The following SLC39A12 variants were observed in gnomAD, a reference collection of about 807,000 sequenced individuals.
The protein encoded by SLC39A12 is solute carrier family 39 member 12, also known as zinc transporter ZIP12.
In SLC39A12, 63 loss-of-function variants were observed where a neutral mutation model predicts 71.1. The ratio of observed to expected loss-of-function variants is 0.89; its 90% CI spans 0.72 to 1.09. The LOEUF is 1.09. Ranked by LOEUF, SLC39A12 falls within the 50% of genes least tolerant of loss-of-function variation. The pLI is 0.00. For synonymous variants in SLC39A12, 351 were observed against 301.3 expected, an observed-to-expected ratio of 1.16 and a Z score of -1.71; for missense variants, 892 against 812.6, an observed-to-expected ratio of 1.10 and a Z score of -1.19.
chr10:18,002,414 A>G (rs757090596), intron 11 of SLC39A12: 2 of 152,202 alleles, frequency 1.3e-5, no homozygotes, highest in Non-Finnish European at 2.9e-5. Context: ...TGCTACTGTA[A>G]CAGGGATGTA....
intron 4 of SLC39A12, among the ~76,000 whole-genome samples, chr10:17,974,622 G>A (rs1469730821): frequency 6.6e-6 from 1 of 152,166 alleles, no homozygotes; most frequent in Non-Finnish European, 1.5e-5. Context: ...AACAAATGGA[G>A]TCTCTCACTC....
rs573069374 is a variant in SLC39A12 at position 18,035,649 on chromosome 10, G to C, written c.1948-7056G>C. ...ATCTGAAGCCTTCTTCTCTCAGCTCGTCAAAGTCATTCTCCATCCAGCTTT... is the reference window on the plus strand; with the variant it reads ...ATCTGAAGCCTTCTTCTCTCAGCTCCTCAAAGTCATTCTCCATCCAGCTTT... On this transcript the variant is annotated intron_variant, in intron 12 of 12. Transcript: ENST00000377369. Among the ~76,000 whole-genome samples, 16 of 152,252 alleles carry C rather than the reference G, an allele frequency of 1.1e-4. No individual in the cohort carries two copies. The South Asian group carries it at 1.7e-3, about 16-fold the overall frequency.
chr10:18,023,908 CT>C (rs1589253506), intron 12 of SLC39A12, among the ~76,000 whole-genome samples: 1 of 152,100 alleles, frequency 6.6e-6, no homozygotes, highest in Non-Finnish European at 1.5e-5. Flanking sequence ...ACAGGGACCC[CT>C]GTGGAAGTCT....
chr10:17,957,543 TCA>T (rs1220412030), intron 2 of SLC39A12, among the ~76,000 whole-genome samples: 1 of 152,142 alleles, frequency 6.6e-6, no homozygotes, highest in Non-Finnish European at 1.5e-5. Context: ...AAGAATTGCT[TCA>T]CCAGAGGCAG....
At chr10:18,033,555 G>T (rs1589258845) in intron 12 of SLC39A12, among the ~76,000 whole-genome samples, 2 of 140,440 alleles carry the variant, frequency 1.4e-5, no homozygotes, top group African/African-American at 5.3e-5. Context: ...TTCTTTATTA[G>T]TCTTGCTAGC....
chr10:17,967,291 T>C (rs1834850612), intron 4 of SLC39A12, among the ~76,000 whole-genome samples: 1 of 152,224 alleles, frequency 6.6e-6, no homozygotes, highest in Non-Finnish European at 1.5e-5. Flanking sequence ...TTTATGTTAG[T>C]ACCTTCCATT....
intron 11 of SLC39A12, chr10:18,002,250 G>A (rs7893974): frequency 0.037 from 5,549 of 152,020 alleles, 331 homozygotes; most frequent in African/African-American, 0.13. Context: ...CCTAGGAAAC[G>A]CTTGCCCTCT....
At chr10:17,984,097 C>G (rs1380091264) in intron 6 of SLC39A12, among the ~76,000 whole-genome samples, 4 of 152,176 alleles carry the variant, frequency 2.6e-5, no homozygotes, top group Non-Finnish European at 5.9e-5. Flanking sequence ...CTAGGTCAAG[C>G]TCTGTTGTAA....
At chr10:18,013,783 C>T (rs1190010556) in intron 12 of SLC39A12, among the ~76,000 whole-genome samples, 1 of 152,178 alleles carries the variant, frequency 6.6e-6, no homozygotes, top group African/African-American at 2.4e-5. Context: ...ATCACGTGTG[C>T]AAGACTTTGT....
At chr10:17,993,450 C>A (rs1835605598) in intron 9 of SLC39A12, among the ~76,000 whole-genome samples, 159 bp downstream of exon 9, 1 of 152,214 alleles carries the variant, frequency 6.6e-6, no homozygotes, top group Non-Finnish European at 1.5e-5. Context: ...CTCTGCCAAG[C>A]ACCTGAAAGC....
chr10:17,986,432 G>A lies in SLC39A12; in HGVS notation c.1097-1047G>A, dbSNP rs181345027. ...GGAGGTTGGGAAGTCCAAGATCAAGGCATCAGCAGATTCGGCATCTGGTGA... is the reference window on the plus strand; with the variant it reads ...GGAGGTTGGGAAGTCCAAGATCAAGACATCAGCAGATTCGGCATCTGGTGA... On this transcript the variant is annotated intron_variant, in intron 6 of 12. Coordinates refer to ENST00000377369, the MANE Select transcript of SLC39A12 (RefSeq NM_001145195.2). Among the ~76,000 whole-genome samples the A allele has an allele frequency of 2.5e-3, 376 of 152,298 alleles. 1 individual carries two copies. The highest frequency in any genetic ancestry group is 4.4e-3 in the Non-Finnish European group (301 of 68,040).
chr10:18,042,134 A>C (rs1256018094), intron 12 of SLC39A12, among the ~76,000 whole-genome samples: 1 of 152,110 alleles, frequency 6.6e-6, no homozygotes, highest in East Asian at 1.9e-4. Flanking sequence ...ACATTTTCTG[A>C]AAAGTAAGAG....
At chr10:17,981,656 G>C (rs548149091) in intron 6 of SLC39A12, among the ~76,000 whole-genome samples, 173 bp downstream of exon 6, 3 of 152,316 alleles carry the variant, frequency 2.0e-5, no homozygotes, top group Admixed American at 1.3e-4. Flanking sequence ...CCATTTTACA[G>C]ATGAGGAAAC....
chr10:17,961,087 G>C (rs1834676777), intron 2 of SLC39A12, among the ~76,000 whole-genome samples: 1 of 152,058 alleles, frequency 6.6e-6, no homozygotes, highest in South Asian at 2.1e-4. Flanking sequence ...TGACAATTTA[G>C]GCTGAAACCT....
intron 12 of SLC39A12, among the ~76,000 whole-genome samples, chr10:18,030,945 A>G (rs1589257415): frequency 6.6e-6 from 1 of 151,598 alleles, no homozygotes; most frequent in South Asian, 2.1e-4. Context: ...ATGATTTCCA[A>G]TTTCATCCAC....
In SLC39A12 at chr10:17,956,910, C is replaced by T. The variant is rs141059026; in HGVS notation, c.261+3373C>T. Among the ~76,000 whole-genome samples the T allele has an allele frequency of 1.3e-3, 192 of 152,296 alleles. 1 individual carries two copies. The highest frequency in any genetic ancestry group is 4.4e-3 in the African/African-American group (184 of 41,560). The stretch of plus-strand genomic sequence containing the variant: ...AAATCTAGTACAGACCCTAAAGAGC[C>T]AGTACCTGCCATCGGCAACATCCTT... On this transcript the variant is annotated intron_variant, in intron 2 of 12. Coordinates refer to ENST00000377369, the MANE Select transcript of SLC39A12 (RefSeq NM_001145195.2).
At position 17,953,362 on chromosome 10, in the gene SLC39A12, C is replaced by T. The variant is rs1554847353; in HGVS notation, c.86C>T (p.Pro29Leu). The change falls in exon 2 of 13, where the codon CCC (proline) becomes CTC (leucine). Residue 29 changes from proline to leucine, a missense_variant. Pro to Leu is a moderately conservative substitution (Grantham distance 98). Transcript: ENST00000377369. ...SRVFSTETDK[P>L]SAQDSRSRGS... ...GTTTTTTCTACTGAGACAGACAAAC[C>T]CTCAGCCCAGGATAGCAGAAGCCGT... 4 of 1,614,090 alleles carry T rather than the reference C, an allele frequency of 2.5e-6. No individual in the cohort carries two copies. The African/African-American group carries it at 4.0e-5, about 16-fold the overall frequency.
intron 12 of SLC39A12, among the ~76,000 whole-genome samples, chr10:18,019,724 T>C (rs1230527572): frequency 6.6e-6 from 1 of 152,112 alleles, no homozygotes; most frequent in African/African-American, 2.4e-5. Flanking sequence ...CCAGCTATCT[T>C]TCTGTTATTG....
chr10:18,005,800 A>G (rs1324016470), intron 12 of SLC39A12: 1 of 152,080 alleles, frequency 6.6e-6, no homozygotes, highest in African/African-American at 2.4e-5. Flanking sequence ...TCTTGACCCT[A>G]TTGCAAATGG....
Sources: allele counts gnomAD v4.1 joint callset (sites outside exome capture counted in the v4.1 genomes callset), GRCh38; gene constraint gnomAD v4.1.1; transcripts MANE v1.5; gene names NCBI Gene and HGNC (gene_info 2026-07-23, HGNC 2026-07-21).